The following SMARCA2 variants were observed in gnomAD, a reference collection of about 807,000 sequenced individuals.
SMARCA2 encodes the protein SWI/SNF-related matrix-associated actin-dependent regulator of chromatin subfamily A member 2.
A neutral mutation model predicts 199.8 loss-of-function variants in SMARCA2; 61 were observed. The observed-to-expected ratio is 0.31, with a 90% CI of 0.25 to 0.38. The LOEUF (loss-of-function observed/expected upper bound fraction) is 0.38. Ranked by LOEUF, SMARCA2 falls within the 10% of genes least tolerant of loss-of-function variation. SMARCA2 has a pLI of 1.00. For synonymous variants in SMARCA2, 935 were observed against 732.0 expected, an observed-to-expected ratio of 1.28 and a Z score of -4.48; for missense variants, 1,344 against 2,012.2, an observed-to-expected ratio of 0.67 and a Z score of 6.35.
rs920789685 is a variant in SMARCA2 at position 2,056,810 on chromosome 9, A to G, written c.1312A>G (p.Ile438Val). 2.5e-6 allele frequency: 4 copies of G among 1,614,202 alleles called. No individual in the cohort carries two copies. Among genetic ancestry groups the G allele is most frequent in the Admixed American group, 3.3e-5 (2 of 60,028 alleles). ...CGAGAAGCTGGAGAAGCAGCAGAAGATTGAGCAGGAGAGGAAACGCCGTCA... is the reference window on the plus strand; with the variant it reads ...CGAGAAGCTGGAGAAGCAGCAGAAGGTTGAGCAGGAGAGGAAACGCCGTCA... The part of the protein sequence containing the change: ...MTEKLEKQQK[I>V]EQERKRRQKH... The change falls in exon 7 of 34, where the codon ATT (isoleucine) becomes GTT (valine). Residue 438 changes from isoleucine (I) to valine (V), a missense_variant. Transcript: ENST00000349721. This position sits in a 1 kb window ranked among gnomAD's most constrained non-coding sequence, Gnocchi z 4.0.
intron 28 of SMARCA2, chr9:2,163,085 T>C (rs569972355): frequency 6.6e-6 from 1 of 152,188 alleles, no homozygotes; most frequent in Admixed American, 6.5e-5. Context: ...GAAGGAAAAA[T>C]TATTATAAAA....
At chr9:2,072,781 A>T (rs1302719248) in intron 10 of SMARCA2, among the ~76,000 whole-genome samples, 1 of 152,230 alleles carries the variant, frequency 6.6e-6, no homozygotes, top group Non-Finnish European at 1.5e-5. Context: ...AACCTGACTC[A>T]GGGCTATCCC....
chr9:2,086,762 T>G lies in SMARCA2; in HGVS notation c.2527-67T>G. ...GTTCTTTGGTTTTCCGCACCACCACTTGCTTGTTGGAAATAGTTGTATTTT... is the reference window on the plus strand; with the variant it reads ...GTTCTTTGGTTTTCCGCACCACCACGTGCTTGTTGGAAATAGTTGTATTTT... On this transcript the variant is annotated intron_variant, in intron 17 of 33. Transcript: ENST00000349721. The surrounding 1 kb of genome is among the most constrained non-coding windows in gnomAD (Gnocchi z 4.3). 6.3e-7 allele frequency: 1 copy of G among 1,582,928 alleles called. No individual in the cohort carries two copies. The highest frequency in any genetic ancestry group is 8.6e-7 in the Non-Finnish European group (1 of 1,160,394).
intron 15 of SMARCA2, among the ~76,000 whole-genome samples, chr9:2,082,960 T>C (rs1163609993): frequency 6.6e-6 from 1 of 152,198 alleles, no homozygotes; most frequent in Admixed American, 6.5e-5. Context: ...TTATTTTATG[T>C]TTTCATGTGG....
Position 2,056,645 on chromosome 9 carries a change from G to A in SMARCA2, c.1174-27G>A. The A allele has an allele frequency of 6.3e-7, 1 of 1,597,806 alleles. No homozygotes were observed. Among genetic ancestry groups the A allele is most frequent in the Non-Finnish European group, 8.5e-7 (1 of 1,172,910 alleles). On this transcript the variant is annotated intron_variant, in intron 6 of 33. Transcript: ENST00000349721. This position sits in a 1 kb window ranked among gnomAD's most constrained non-coding sequence, Gnocchi z 4.0. The stretch of plus-strand genomic sequence containing the variant: ...AGGAACCTAGCTTCTGTTAGGGAAG[G>A]CTGTCTAACTGCTCTCTTCTTGACA...
rs1282641380 is a variant in SMARCA2, at chr9:2,186,223, C to G, written c.4589C>G (p.Ser1530Cys). The change falls in exon 32 of 34, where the codon TCC becomes TGC. Residue 1530 changes from serine to cysteine, a missense_variant. Coordinates refer to ENST00000349721, the MANE Select transcript of SMARCA2 (RefSeq NM_003070.5). ...EEEEDEEESE[S>C]EAKSVKVKIK... is the part of the protein sequence containing the mutation. ...GAGGAAGATGAAGAAGAGTCAGAGT[C>G]CGAGGGTAAGCCCAGACATTCGGGT... 8 of 1,613,428 alleles carry G rather than the reference C, an allele frequency of 5.0e-6. No homozygotes were observed. The highest frequency in any genetic ancestry group is 6.8e-6 in the Non-Finnish European group (8 of 1,179,678).
In SMARCA2 at chr9:2,185,228, C is replaced by G. The variant is rs73376760; in HGVS notation, c.4462-868C>G. Among the ~76,000 whole-genome samples, 692 of 152,266 alleles carry G rather than the reference C, an allele frequency of 4.5e-3. 3 individuals are homozygous for G. Among genetic ancestry groups the G allele is most frequent in the African/African-American group, 0.016 (653 of 41,540 alleles). On this transcript the variant is annotated intron_variant, in intron 31 of 33. Coordinates refer to ENST00000349721, the MANE Select transcript of SMARCA2 (RefSeq NM_003070.5). ...GCACCCACCATGGCACTTTCTGTTT[C>G]TATGAATTTGCCCATTTTAGATACT... is the stretch of plus-strand genomic sequence containing the variant.
In SMARCA2 at chr9:2,049,437, G is replaced by T. The variant is rs558773588; in HGVS notation, c.1046+1953G>T. Among the ~76,000 whole-genome samples, 348 of 152,296 alleles carry T rather than the reference G, an allele frequency of 2.3e-3. 1 individual carries two copies. The highest frequency in any genetic ancestry group is 0.014 in the Middle Eastern group (4 of 294). ...CTGCCCTCCTATGTCAATAAAAAAT[G>T]CTGTCAGTATCTTTTAAATTACATG... On this transcript the variant is annotated intron_variant, in intron 5 of 33. Coordinates refer to ENST00000349721, the MANE Select transcript of SMARCA2 (RefSeq NM_003070.5).
chr9:2,103,281 C>T (rs958589125), intron 22 of SMARCA2, among the ~76,000 whole-genome samples: 2 of 152,096 alleles, frequency 1.3e-5, no homozygotes, highest in East Asian at 1.9e-4. Context: ...AGCAGCCAGA[C>T]AATAGAGATG....
At chr9:2,165,719 C>G (rs1825899537) in intron 28 of SMARCA2, among the ~76,000 whole-genome samples, 1 of 152,096 alleles carries the variant, frequency 6.6e-6, no homozygotes, top group Non-Finnish European at 1.5e-5. Flanking sequence ...TGCATTTGTA[C>G]CCTTGAAAAT....
intron 27 of SMARCA2, among the ~76,000 whole-genome samples, chr9:2,142,351 A>G (rs1480184029): frequency 6.6e-6 from 1 of 152,244 alleles, no homozygotes; most frequent in Non-Finnish European, 1.5e-5. Context: ...AACAAAAAGC[A>G]TATTGGTTGT....
chr9:2,068,064 T>C (rs1177258947), intron 9 of SMARCA2, among the ~76,000 whole-genome samples: 2 of 152,222 alleles, frequency 1.3e-5, no homozygotes, highest in East Asian at 3.8e-4. Context: ...CTGATTTGTA[T>C]GGAAAGAATG....
chr9:2,019,854 A>G (rs1016124872), intron 1 of SMARCA2, among the ~76,000 whole-genome samples: 10 of 151,862 alleles, frequency 6.6e-5, no homozygotes, highest in African/African-American at 2.4e-4. Flanking sequence ...TCCTTTGTAA[A>G]CAAGGCCTTT....
chr9:2,139,642 C>A (rs1824372255), intron 27 of SMARCA2, among the ~76,000 whole-genome samples: 1 of 149,170 alleles, frequency 6.7e-6, no homozygotes, highest in Non-Finnish European at 1.5e-5. Context: ...ATAATCACTA[C>A]CCCCAATATA....
chr9:2,064,268 A>T (rs1820730473), intron 9 of SMARCA2, among the ~76,000 whole-genome samples: 1 of 152,168 alleles, frequency 6.6e-6, no homozygotes, highest in Non-Finnish European at 1.5e-5. Context: ...TATTTATACT[A>T]ATTTGCTATT....
intron 29 of SMARCA2, among the ~76,000 whole-genome samples, chr9:2,176,182 G>GTTTTTTTTTTTTTTGTTTTTTTTTTTT (rs1554642562): frequency 1.9e-5 from 2 of 104,160 alleles, no homozygotes; most frequent in African/African-American, 7.5e-5. Context: ...CGCCCGGCCT[G>GTTTTTTTTTTTTTTGTTTTTTTTTTTT]TTTTTTTTTT....
At chr9:2,069,498 G>T (rs902764135) in intron 9 of SMARCA2, among the ~76,000 whole-genome samples, 1 of 151,372 alleles carries the variant, frequency 6.6e-6, no homozygotes, top group Non-Finnish European at 1.5e-5. Context: ...GGCGGAGCTT[G>T]CAGTGAGCCG....
intron 29 of SMARCA2, among the ~76,000 whole-genome samples, chr9:2,179,705 G>A (rs991526245): frequency 5.9e-5 from 9 of 152,128 alleles, no homozygotes; most frequent in African/African-American, 2.2e-4. Flanking sequence ...GTCCATCACA[G>A]GTGTACAGAG....
chr9:2,111,484 C>T (rs150968464), intron 24 of SMARCA2, among the ~76,000 whole-genome samples: 1,308 of 129,366 alleles, frequency 0.01, 16 homozygotes, highest in African/African-American at 0.038. Flanking sequence ...AAAGCAAGAC[C>T]GTGTCTCAAA....
Sources: gnomAD v4.1 joint callset for allele counts (sites outside exome capture counted in the v4.1 genomes callset) on GRCh38, gnomAD v4.1.1 for gene constraint, Gnocchi (gnomAD v3.1) non-coding constraint, MANE v1.5 for transcripts, NCBI Gene and HGNC (gene_info 2026-07-23, HGNC 2026-07-21) for gene names.